The following ROBO1 variants were observed in gnomAD, a reference collection of about 807,000 sequenced individuals.
ROBO1 encodes the protein roundabout guidance receptor 1.
ROBO1 carries 149 observed loss-of-function variants against 195.9 expected under a neutral mutation model. That is an observed-to-expected ratio of 0.76 (90% confidence interval 0.67 to 0.87). The LOEUF is 0.87. ROBO1 is among the 40% of genes least tolerant of loss of function. The pLI is 0.00. For synonymous variants in ROBO1, 816 were observed against 733.2 expected, an observed-to-expected ratio of 1.11 and a Z score of -1.82; for missense variants, 1,933 against 2,068.3, an observed-to-expected ratio of 0.93 and a Z score of 1.27.
At chr3:78,970,731 C>A (rs763946106) in intron 3 of ROBO1, among the ~76,000 whole-genome samples, 2 of 152,044 alleles carry the variant, frequency 1.3e-5, no homozygotes, top group Non-Finnish European at 2.9e-5. Flanking sequence ...TATAATTTAT[C>A]CCATTTAATT....
chr3:78,964,719 G>A (rs2041583409), intron 3 of ROBO1, among the ~76,000 whole-genome samples: 1 of 149,698 alleles, frequency 6.7e-6, no homozygotes, highest in African/African-American at 2.4e-5. Flanking sequence ...AATAAGAAAT[G>A]AAAATTACGA....
At chr3:78,817,976 C>T in intron 4 of ROBO1, among the ~76,000 whole-genome samples, 1 of 152,142 alleles carries the variant, frequency 6.6e-6, no homozygotes, top group East Asian at 1.9e-4. Context: ...CATTAGTCCC[C>T]ACTGGTTATA....
At chr3:78,866,516 T>C (rs1054887397) in intron 4 of ROBO1, among the ~76,000 whole-genome samples, 1 of 152,190 alleles carries the variant, frequency 6.6e-6, no homozygotes, top group Non-Finnish European at 1.5e-5. Context: ...TGCCATTTCC[T>C]TGAATGTACA....
intron 27 of ROBO1, among the ~76,000 whole-genome samples, chr3:78,616,560 A>G (rs1388531285): frequency 6.6e-6 from 1 of 152,134 alleles, no homozygotes; most frequent in Non-Finnish European, 1.5e-5. Context: ...CTGATAAAAA[A>G]TAATGGCCAA....
At chr3:79,553,376 A>T (rs1036925655) in intron 2 of ROBO1, among the ~76,000 whole-genome samples, 1 of 152,084 alleles carries the variant, frequency 6.6e-6, no homozygotes, top group African/African-American at 2.4e-5. Context: ...TACTGAATGT[A>T]TATCATTTCA....
At chr3:79,723,954 A>T (rs1417935223) in intron 1 of ROBO1, among the ~76,000 whole-genome samples, 4 of 152,230 alleles carry the variant, frequency 2.6e-5, no homozygotes, top group African/African-American at 9.6e-5. Flanking sequence ...TAGATTAGAA[A>T]TAAATAAGTG....
chr3:78,847,100 G>T (rs1373763415), intron 4 of ROBO1, among the ~76,000 whole-genome samples: 1 of 152,050 alleles, frequency 6.6e-6, no homozygotes, highest in Non-Finnish European at 1.5e-5. Context: ...ATCAAATCTA[G>T]GCTCCAGGCT....
intron 2 of ROBO1, among the ~76,000 whole-genome samples, chr3:79,353,737 G>A (rs368209637): frequency 5.3e-5 from 8 of 152,262 alleles, no homozygotes; most frequent in African/African-American, 1.7e-4. Context: ...GCTAGTTTCA[G>A]AAGGAACAGA....
chr3:78,976,106 G>GCTAA (rs1447948968), intron 3 of ROBO1, among the ~76,000 whole-genome samples: 1 of 152,154 alleles, frequency 6.6e-6, no homozygotes, highest in African/African-American at 2.4e-5. Flanking sequence ...TCGAATAAGT[G>GCTAA]CTAAGCAAAA....
intron 3 of ROBO1, among the ~76,000 whole-genome samples, chr3:79,031,333 T>G (rs181593985): frequency 4.4e-4 from 67 of 152,262 alleles, no homozygotes; most frequent in African/African-American, 1.6e-3. Flanking sequence ...TTGAGATTTC[T>G]CCAGGAAAAA....
chr3:79,742,264 T>C (rs7649774), intron 1 of ROBO1, among the ~76,000 whole-genome samples: 63,954 of 152,030 alleles, frequency 0.42, 13,662 homozygotes, highest in African/African-American at 0.47. Flanking sequence ...CAGACCCTCC[T>C]GTTACAGGCA....
intron 4 of ROBO1, among the ~76,000 whole-genome samples, chr3:78,846,069 C>T (rs1480265666): frequency 1.3e-5 from 2 of 151,914 alleles, no homozygotes; most frequent in African/African-American, 4.8e-5. Flanking sequence ...GCCAATTGCC[C>T]TAGGATGAGG....
In ROBO1 at chr3:78,865,672, C is replaced by T. The variant is rs2035129931; in HGVS notation, c.499+72929G>A. 2.0e-5 allele frequency among the ~76,000 whole-genome samples: 3 copies of T among 152,014 alleles called. No individual in the cohort carries two copies. In the South Asian group the frequency reaches 6.3e-4, roughly 32 times the overall value. The stretch of plus-strand genomic sequence containing the variant: ...ATTTTTAGTAGAGACGGGGTTTCAC[C>T]GTGTTAGCCAGGATGGTCTTGATCT... On this transcript the variant is annotated intron_variant, in intron 4 of 30. Transcript: ENST00000464233.
At chr3:79,531,390 A>T (rs1559969037) in intron 2 of ROBO1, among the ~76,000 whole-genome samples, 2 of 152,130 alleles carry the variant, frequency 1.3e-5, no homozygotes, top group African/African-American at 4.8e-5. Context: ...TGGGAGGCCG[A>T]GGTGGGTGGA....
intron 26 of ROBO1, among the ~76,000 whole-genome samples, chr3:78,619,397 GC>G (rs762387578): frequency 1.3e-5 from 2 of 151,846 alleles, no homozygotes; most frequent in Non-Finnish European, 2.9e-5. Flanking sequence ...AACTGCAAAT[GC>G]CTAGAGATGG....
At chr3:79,489,933 C>T (rs187771472) in intron 2 of ROBO1, among the ~76,000 whole-genome samples, 1 of 152,276 alleles carries the variant, frequency 6.6e-6, no homozygotes, top group Non-Finnish European at 1.5e-5. Flanking sequence ...GAACTATTCA[C>T]ACACTAATGA....
intron 4 of ROBO1, among the ~76,000 whole-genome samples, chr3:78,754,804 C>T (rs2082886747): frequency 6.6e-6 from 1 of 152,082 alleles, no homozygotes; most frequent in Admixed American, 6.6e-5. Context: ...TAATGAGAAA[C>T]ATAATTTAAA....
chr3:78,599,994 T>TTAGAG (rs1203077209), intron 30 of ROBO1, 119 bp downstream of exon 30: 16 of 825,070 alleles, frequency 1.9e-5, no homozygotes, highest in Non-Finnish European at 2.7e-5. Flanking sequence ...ATCATAGACA[T>TTAGAG]TAGAGTACTG....
At chr3:79,481,044 G>A (rs939216509) in intron 2 of ROBO1, among the ~76,000 whole-genome samples, 3 of 151,934 alleles carry the variant, frequency 2.0e-5, no homozygotes, top group South Asian at 4.1e-4. Flanking sequence ...TATTGGTAAT[G>A]CAGTTTTATT....
Sources: gnomAD v4.1 joint callset for allele counts (sites outside exome capture counted in the v4.1 genomes callset) on GRCh38, gnomAD v4.1.1 for gene constraint, MANE v1.5 for transcripts, NCBI Gene and HGNC (gene_info 2026-07-23, HGNC 2026-07-21) for gene names.